CD2AP: variants seen among roughly 807,000 people sequenced by gnomAD.
CD2AP encodes CD2-associated protein.
Under a neutral mutation model 85.1 loss-of-function variants are expected in CD2AP, and 46 were observed. The observed-to-expected ratio is 0.54, with a 90% CI of 0.43 to 0.69. The LOEUF is 0.69. Ranked by LOEUF, CD2AP falls within the 30% of genes least tolerant of loss-of-function variation. CD2AP has a pLI of 0.00. For missense variants in CD2AP, 769 were observed against 729.5 expected, an observed-to-expected ratio of 1.05 and a Z score of -0.62; for synonymous variants, 255 against 252.9, an observed-to-expected ratio of 1.01 and a Z score of -0.08.
Position 47,625,187 on chromosome 6 carries a change from T to TCAGATGA in CD2AP, c.*960_*961insCAGATGA, listed in dbSNP as rs1769879519. 1.3e-5 allele frequency: 2 copies of TCAGATGA among 151,928 alleles called. No individual in the cohort carries two copies. Among genetic ancestry groups the TCAGATGA allele is most frequent in the African/African-American group, 4.8e-5 (2 of 41,446 alleles). The allele number at this position is 151,928 out of a possible 1,614,324, so 9.4% of individuals were successfully genotyped here. On this transcript the variant is annotated 3_prime_UTR_variant, in exon 18 of 18. Transcript: ENST00000359314. ...TCTTCATGTTTCTCCTTCTGACTTTTAATAATGGTAATAGGAAAACAAAAC... is the reference window on the plus strand; with the variant it reads ...TCTTCATGTTTCTCCTTCTGACTTTTCAGATGAAATAATGGTAATAGGAAAACAAAAC...
intron 17 of CD2AP, among the ~76,000 whole-genome samples, chr6:47,615,381 T>A (rs1465254157): frequency 3.9e-5 from 6 of 152,158 alleles, no homozygotes; most frequent in African/African-American, 1.4e-4. Context: ...GGATAATTTA[T>A]AAAGAAAAAT....
At chr6:47,608,051 G>A (rs563475658) in intron 15 of CD2AP, 23 bp downstream of exon 15, 1 of 1,513,616 alleles carries the variant, frequency 6.6e-7, no homozygotes, top group East Asian at 2.3e-5. Flanking sequence ...GTGGTCTAAG[G>A]TTTGTTGACT....
At chr6:47,508,570 G>T (rs1341922549) in intron 2 of CD2AP, among the ~76,000 whole-genome samples, 1 of 144,262 alleles carries the variant, frequency 6.9e-6, no homozygotes, top group African/African-American at 2.6e-5. Context: ...TTTTGGGACG[G>T]AGTCTCGCTC....
chr6:47,535,973 A>G (rs9369711), intron 3 of CD2AP, among the ~76,000 whole-genome samples: 47,508 of 152,076 alleles, frequency 0.31, 8,555 homozygotes, highest in Middle Eastern at 0.51. Context: ...GGATACAGTA[A>G]ATTTTGCCTT....
At chr6:47,517,065 C>G (rs976789260) in intron 2 of CD2AP, among the ~76,000 whole-genome samples, 2 of 152,020 alleles carry the variant, frequency 1.3e-5, no homozygotes, top group East Asian at 1.9e-4. Context: ...GCGCCATGCC[C>G]TTGGTAATAA....
chr6:47,624,109 T>G, intron 17 of CD2AP, 77 bp from the exon 18 acceptor site: 1 of 1,150,872 alleles, frequency 8.7e-7, no homozygotes, highest in Non-Finnish European at 1.3e-6. Flanking sequence ...TATGATCACA[T>G]CTTAATGACA....
At chr6:47,479,820 CTTT>C (rs926392231) in intron 1 of CD2AP, among the ~76,000 whole-genome samples, 1 of 145,710 alleles carries the variant, frequency 6.9e-6, no homozygotes, top group Non-Finnish European at 1.5e-5. Context: ...TATTTAAATA[CTTT>C]TTTTTTTTGC....
rs982618514 is a variant in CD2AP, at chr6:47,477,822, C to T, written c.-423C>T. On this transcript the variant is annotated 5_prime_UTR_variant, in exon 1 of 18. Transcript: ENST00000359314. Reference sequence around the variant, plus strand: ...GGGTCCCCACCTTAGTCTACGGTGTCGCCTTTTCTAACTGCGAGTGCTAAG... The same window carrying T: ...GGGTCCCCACCTTAGTCTACGGTGTTGCCTTTTCTAACTGCGAGTGCTAAG... 8.5e-6 allele frequency: 2 copies of T among 236,152 alleles called. No individual in the cohort carries two copies. The highest frequency in any genetic ancestry group is 2.3e-5 in the African/African-American group (1 of 42,578). The allele number at this position is 236,152 out of a possible 1,614,324, so 14.6% of individuals were successfully genotyped here.
At chr6:47,566,766 C>T (rs1768014522) in intron 5 of CD2AP, among the ~76,000 whole-genome samples, 1 of 152,204 alleles carries the variant, frequency 6.6e-6, no homozygotes, top group Admixed American at 6.5e-5. Context: ...CTTCCAGCGT[C>T]ATCCATGTCC....
intron 17 of CD2AP, among the ~76,000 whole-genome samples, chr6:47,618,716 A>G (rs1031510968): frequency 1.3e-5 from 2 of 152,234 alleles, no homozygotes; most frequent in Non-Finnish European, 2.9e-5. Flanking sequence ...TTAAATTTGT[A>G]TATCTGACTT....
chr6:47,529,487 C>T (rs1333243801), intron 2 of CD2AP, among the ~76,000 whole-genome samples: 1 of 152,094 alleles, frequency 6.6e-6, no homozygotes, highest in Admixed American at 6.6e-5. Context: ...ATGGTTCCTA[C>T]CTGGCACCCT....
chr6:47,491,796 C>A (rs1242404229), intron 1 of CD2AP, among the ~76,000 whole-genome samples: 1 of 151,864 alleles, frequency 6.6e-6, no homozygotes, highest in African/African-American at 2.4e-5. Flanking sequence ...CTTCAGATAT[C>A]CTTTTTGTTT....
intron 2 of CD2AP, 92 bp downstream of exon 2, chr6:47,503,532 T>G (rs1766052910): frequency 8.7e-7 from 1 of 1,146,922 alleles, no homozygotes; most frequent in Non-Finnish European, 1.3e-6. Context: ...ATTAAAATGT[T>G]TTAGATAAAT....
At chr6:47,582,334 T>G (rs1429243872) in intron 11 of CD2AP, 12 of 274,222 alleles carry the variant, frequency 4.4e-5, no homozygotes. Flanking sequence ...ATTAAATAAC[T>G]ATGCTTTTAT....
chr6:47,608,608 TTC>T (rs1251315675), intron 15 of CD2AP, among the ~76,000 whole-genome samples: 1 of 152,192 alleles, frequency 6.6e-6, no homozygotes, highest in Non-Finnish European at 1.5e-5. Flanking sequence ...CTTAATCTGA[TTC>T]TCTCAGCTGT....
At chr6:47,489,444 G>A (rs1002829717) in intron 1 of CD2AP, among the ~76,000 whole-genome samples, 1 of 152,004 alleles carries the variant, frequency 6.6e-6, no homozygotes, top group African/African-American at 2.4e-5. Context: ...CCAAAGTGCT[G>A]GGATTACAGG....
At chr6:47,559,384 A>G (rs1415881857) in intron 5 of CD2AP, among the ~76,000 whole-genome samples, 1 of 151,748 alleles carries the variant, frequency 6.6e-6, no homozygotes, top group South Asian at 2.1e-4. Context: ...TCAGCCTGCC[A>G]AGTAGCTGGG....
chr6:47,484,631 A>C (rs1765522300), intron 1 of CD2AP, among the ~76,000 whole-genome samples: 1 of 152,148 alleles, frequency 6.6e-6, no homozygotes, highest in Non-Finnish European at 1.5e-5. Flanking sequence ...TGGCTCCAGT[A>C]GACTTGTATT....
At chr6:47,591,634 A>G (rs1263262067) in intron 11 of CD2AP, among the ~76,000 whole-genome samples, 1 of 152,060 alleles carries the variant, frequency 6.6e-6, no homozygotes, top group Non-Finnish European at 1.5e-5. Flanking sequence ...TTCCATTTCA[A>G]TTAATGCAGT....
Sources: allele counts gnomAD v4.1 joint callset (sites outside exome capture counted in the v4.1 genomes callset), GRCh38; gene constraint gnomAD v4.1.1; transcripts MANE v1.5; gene names NCBI Gene and HGNC (gene_info 2026-07-23, HGNC 2026-07-21).